The following STARD6 variants were observed in gnomAD, a reference collection of about 807,000 sequenced individuals.
STARD6 encodes StAR related lipid transfer domain containing 6.
STARD6 carries 21 observed loss-of-function variants against 22.3 expected under a neutral mutation model. That is an observed-to-expected ratio of 0.94 (90% CI 0.67 to 1.35). The LOEUF is 1.35. Among genes scored for constraint, STARD6 ranks in the 40% most tolerant of loss-of-function variants. The probability of loss-of-function intolerance (pLI) is 0.00; values close to 1 mark genes in which losing one functional copy is unlikely to be tolerated. For synonymous variants in STARD6, 80 were observed against 88.1 expected, an observed-to-expected ratio of 0.91 and a Z score of 0.52; for missense variants, 269 against 266.9, an observed-to-expected ratio of 1.01 and a Z score of -0.05.
chr18:54,330,117 G>C (rs1045321279), intron 6 of STARD6, among the ~76,000 whole-genome samples: 1 of 151,852 alleles, frequency 6.6e-6, no homozygotes, highest in African/African-American at 2.4e-5. Flanking sequence ...AGATATATTT[G>C]TTTATTCTGT....
intron 7 of STARD6, among the ~76,000 whole-genome samples, chr18:54,328,222 A>T (rs1452010908): frequency 6.6e-6 from 1 of 152,168 alleles, no homozygotes; most frequent in East Asian, 1.9e-4. Flanking sequence ...GTATGGTCTT[A>T]AATCTTTATT....
At chr18:54,335,677 G>A (rs924062821) in intron 5 of STARD6, among the ~76,000 whole-genome samples, 1 of 152,072 alleles carries the variant, frequency 6.6e-6, no homozygotes, top group Non-Finnish European at 1.5e-5. Flanking sequence ...TTCGATCATG[G>A]GGCAGACTTC....
intron 3 of STARD6, 100 bp downstream of exon 3, chr18:54,354,384 G>T (rs2089124914): frequency 7.5e-6 from 8 of 1,059,846 alleles, no homozygotes; most frequent in Non-Finnish European, 1.1e-5. Flanking sequence ...GCACACCACT[G>T]CACCTGGAAC....
intron 3 of STARD6, 167 bp from the exon 4 acceptor site, chr18:54,354,270 T>C: frequency 1.6e-6 from 1 of 625,686 alleles, no homozygotes; most frequent in South Asian, 2.3e-5. Flanking sequence ...CAGTCTGTAG[T>C]GTACTGGCTA....
At chr18:54,349,236 G>A (rs116311918) in intron 4 of STARD6, among the ~76,000 whole-genome samples, 3,165 of 152,194 alleles carry the variant, frequency 0.021, 71 homozygotes, top group African/African-American at 0.062. Context: ...CTTTGGCCAC[G>A]TGGCTAGGAA....
At chr18:54,326,412 A>G (rs1289935487) in intron 7 of STARD6, among the ~76,000 whole-genome samples, 5 of 150,534 alleles carry the variant, frequency 3.3e-5, no homozygotes, top group Non-Finnish European at 7.4e-5. Flanking sequence ...GATCACTGCA[A>G]GCCCCGCCTC....
intron 6 of STARD6, among the ~76,000 whole-genome samples, chr18:54,329,876 T>G (rs1038091982): frequency 1.6e-4 from 20 of 127,024 alleles, no homozygotes; most frequent in Admixed American, 5.3e-4. Flanking sequence ...GTTAATCATG[T>G]TTTTTTTTTT....
At chr18:54,351,761 T>C (rs559040339) in intron 4 of STARD6, among the ~76,000 whole-genome samples, 2 of 152,306 alleles carry the variant, frequency 1.3e-5, no homozygotes, top group South Asian at 2.1e-4. Flanking sequence ...GACTTGGGTA[T>C]GTTAAACCAT....
intron 4 of STARD6, among the ~76,000 whole-genome samples, chr18:54,338,831 C>T (rs897329745): frequency 4.0e-5 from 6 of 151,754 alleles, no homozygotes; most frequent in East Asian, 1.9e-4. Context: ...AGGCAGATCA[C>T]GAGGTCAAGA....
intron 7 of STARD6, among the ~76,000 whole-genome samples, chr18:54,328,240 A>C (rs929465772): frequency 6.6e-6 from 1 of 152,318 alleles, no homozygotes; most frequent in Non-Finnish European, 1.5e-5. Context: ...ATTTGTGTTT[A>C]CAATGGCTTT....
At chr18:54,335,725 G>A (rs1310969181) in intron 5 of STARD6, among the ~76,000 whole-genome samples, 1 of 152,114 alleles carries the variant, frequency 6.6e-6, no homozygotes, top group East Asian at 1.9e-4. Flanking sequence ...GAGTTCTCAT[G>A]AGATCTGATG....
At chr18:54,345,505 C>A (rs758606528) in intron 4 of STARD6, among the ~76,000 whole-genome samples, 5 of 152,102 alleles carry the variant, frequency 3.3e-5, no homozygotes, top group Non-Finnish European at 7.4e-5. Flanking sequence ...AATTGAACTA[C>A]AGAATCAAAG....
intron 5 of STARD6, among the ~76,000 whole-genome samples, chr18:54,336,770 T>C (rs2088917933): frequency 6.6e-6 from 1 of 152,204 alleles, no homozygotes; most frequent in Admixed American, 6.5e-5. Context: ...TTTCCTAATA[T>C]CTGATGTAAT....
At chr18:54,348,939 T>G (rs1366998860) in intron 4 of STARD6, among the ~76,000 whole-genome samples, 1 of 152,100 alleles carries the variant, frequency 6.6e-6, no homozygotes, top group Admixed American at 6.6e-5. Context: ...AACTTCCCAT[T>G]TGGTAGCCAA....
At chr18:54,336,672 T>A (rs1052546944) in intron 5 of STARD6, among the ~76,000 whole-genome samples, 5 of 152,210 alleles carry the variant, frequency 3.3e-5, no homozygotes, top group African/African-American at 1.2e-4. Context: ...TAAAAATGTG[T>A]GGCATCTCCC....
At chr18:54,334,260 T>C (rs553569723) in intron 5 of STARD6, among the ~76,000 whole-genome samples, 1 of 152,302 alleles carries the variant, frequency 6.6e-6, no homozygotes, top group South Asian at 2.1e-4. Flanking sequence ...TAGATTACTC[T>C]CATAGCCTCA....
rs556075814 is a variant in STARD6 at position 54,334,788 on chromosome 18, A to G, written c.267+2337T>C. On this transcript the variant is annotated intron_variant, in intron 5 of 7. Coordinates refer to ENST00000307844, the MANE Select transcript of STARD6 (RefSeq NM_139171.2). ...CATAACACTTATTCTTACCAGTCCT[A>G]GCCTTCATTATCTGGTAAGTTTTAA... is the stretch of plus-strand genomic sequence containing the variant. Among the ~76,000 whole-genome samples, 6 of 152,110 alleles carry G rather than the reference A, an allele frequency of 3.9e-5. No homozygotes were observed. The East Asian group carries it at 1.2e-3, about 30-fold the overall frequency.
rs1461498865 is a variant in STARD6, at chr18:54,350,687, ATTC to A, written c.140+3364_140+3366del. ...AGGTAAGAGATGAAGATCCAGTTTC[ATTC>A]TTCTACATGTAGCTTGCCAATTATC... On this transcript the variant is annotated intron_variant, in intron 4 of 7. Transcript: ENST00000307844. Among the ~76,000 whole-genome samples the A allele has an allele frequency of 2.0e-5, 3 of 152,150 alleles. No homozygotes were observed. The East Asian group carries it at 5.8e-4, about 29-fold the overall frequency.
chr18:54,341,997 C>G (rs1230349388), intron 4 of STARD6, among the ~76,000 whole-genome samples: 1 of 151,990 alleles, frequency 6.6e-6, no homozygotes. Flanking sequence ...TTGAAAAGAT[C>G]AACAGAATTG....
Sources: allele counts gnomAD v4.1 joint callset (sites outside exome capture counted in the v4.1 genomes callset), GRCh38; gene constraint gnomAD v4.1.1; transcripts MANE v1.5; gene names NCBI Gene and HGNC (gene_info 2026-07-23, HGNC 2026-07-21).